Variants in LRRC4C observed in about 807,000 individuals in gnomAD.
The protein encoded by LRRC4C is leucine-rich repeat-containing protein 4C.
A neutral mutation model predicts 33.6 loss-of-function variants in LRRC4C; 5 were observed. The ratio of observed to expected loss-of-function variants is 0.15; its 90% confidence interval spans 0.08 to 0.31. The LOEUF is 0.31. Ranked by LOEUF, LRRC4C falls within the 10% of genes least tolerant of loss-of-function variation. LRRC4C has a pLI of 1.00. For missense variants in LRRC4C, 560 were observed against 796.7 expected, an observed-to-expected ratio of 0.70 and a Z score of 3.58; for synonymous variants, 329 against 302.0, an observed-to-expected ratio of 1.09 and a Z score of -0.93.
At chr11:40,675,272 A>G (rs1468320335) in intron 2 of LRRC4C, among the ~76,000 whole-genome samples, 1 of 152,186 alleles carries the variant, frequency 6.6e-6, no homozygotes, top group African/African-American at 2.4e-5. Context: ...AATGGCCTAA[A>G]TGGAGCTCAA....
intron 3 of LRRC4C, among the ~76,000 whole-genome samples, chr11:40,614,086 T>C (rs1304436288): frequency 6.6e-6 from 1 of 151,826 alleles, no homozygotes; most frequent in Non-Finnish European, 1.5e-5. Context: ...CCAGCTATGT[T>C]AGCCCTTAAC....
At chr11:40,874,639 T>C (rs1226169155) in intron 2 of LRRC4C, among the ~76,000 whole-genome samples, 2 of 152,138 alleles carry the variant, frequency 1.3e-5, no homozygotes, top group African/African-American at 4.8e-5. Flanking sequence ...GAAATGAAAA[T>C]CCTATGTTTG....
intron 3 of LRRC4C, among the ~76,000 whole-genome samples, chr11:40,493,645 A>T (rs148247567): frequency 1.4e-3 from 209 of 152,308 alleles, no homozygotes; most frequent in African/African-American, 4.7e-3. Flanking sequence ...TCTTAGCTTG[A>T]TAAACTATTA....
At chr11:40,880,268 G>C (rs964902012) in intron 2 of LRRC4C, among the ~76,000 whole-genome samples, 1 of 152,006 alleles carries the variant, frequency 6.6e-6, no homozygotes, top group East Asian at 1.9e-4. Context: ...CAGAAACTAG[G>C]ATTCAATTTC....
At chr11:41,101,999 A>G (rs1941216986) in intron 1 of LRRC4C, among the ~76,000 whole-genome samples, 1 of 152,074 alleles carries the variant, frequency 6.6e-6, no homozygotes, top group African/African-American at 2.4e-5. Flanking sequence ...AGAGTAGGAG[A>G]AGAAAGAAGA....
chr11:40,159,129 G>GC (rs1029800016), intron 5 of LRRC4C, among the ~76,000 whole-genome samples: 40 of 151,786 alleles, frequency 2.6e-4, no homozygotes, highest in Non-Finnish European at 8.8e-5. Context: ...TTTGGTCGTT[G>GC]TTTTTTTTGT....
intron 1 of LRRC4C, among the ~76,000 whole-genome samples, chr11:41,000,278 C>T (rs1386672640): frequency 6.6e-6 from 1 of 152,010 alleles, no homozygotes; most frequent in East Asian, 1.9e-4. Flanking sequence ...TGACAGTCAT[C>T]CCATGCGGAG....
At chr11:40,297,710 T>C (rs1026932550) in intron 4 of LRRC4C, among the ~76,000 whole-genome samples, 10 of 152,204 alleles carry the variant, frequency 6.6e-5, no homozygotes, top group African/African-American at 2.4e-4. Context: ...ATAACTAGCA[T>C]TTAATGAAAG....
intron 2 of LRRC4C, among the ~76,000 whole-genome samples, chr11:40,825,314 G>A (rs1952112852): frequency 6.6e-6 from 1 of 151,820 alleles, no homozygotes; most frequent in Admixed American, 6.6e-5. Flanking sequence ...GATTACTGAA[G>A]GTCCAGACGA....
At chr11:41,243,339 C>T (rs998608312) in intron 1 of LRRC4C, among the ~76,000 whole-genome samples, 1 of 152,142 alleles carries the variant, frequency 6.6e-6, no homozygotes, top group Non-Finnish European at 1.5e-5. Context: ...GGAATAGAAA[C>T]ACATATTTTG....
At chr11:41,177,324 C>A (rs1945249373) in intron 1 of LRRC4C, among the ~76,000 whole-genome samples, 1 of 152,040 alleles carries the variant, frequency 6.6e-6, no homozygotes, top group South Asian at 2.1e-4. Context: ...TAACCTAAGA[C>A]AAGATACAAA....
chr11:41,229,702 C>A (rs1372276864), intron 1 of LRRC4C, among the ~76,000 whole-genome samples: 1 of 152,054 alleles, frequency 6.6e-6, no homozygotes, highest in Non-Finnish European at 1.5e-5. Flanking sequence ...GCAGAATGAT[C>A]TCCTGTCTCA....
chr11:41,216,581 T>C (rs1029013957), intron 1 of LRRC4C, among the ~76,000 whole-genome samples: 1 of 152,004 alleles, frequency 6.6e-6, no homozygotes, highest in Non-Finnish European at 1.5e-5. Flanking sequence ...GCAGCAACAA[T>C]GGTAAAGACG....
intron 3 of LRRC4C, among the ~76,000 whole-genome samples, chr11:40,378,565 G>T (rs1270361348): frequency 1.3e-5 from 2 of 151,962 alleles, no homozygotes; most frequent in East Asian, 1.9e-4. Flanking sequence ...AATATTGAAA[G>T]AAATATTTCT....
intron 1 of LRRC4C, among the ~76,000 whole-genome samples, chr11:41,163,284 G>GTTTTTTTTGTTTTTTTTTTTTTTTT (rs1944557446): frequency 1.4e-5 from 1 of 73,382 alleles, no homozygotes; most frequent in Non-Finnish European, 2.4e-5. Flanking sequence ...TACTGTAACT[G>GTTTTTTTTGTTTTTTTTTTTTTTTT]TTTTTTTTTT....
chr11:40,138,616 C>T (rs1000605578), intron 6 of LRRC4C, among the ~76,000 whole-genome samples: 2 of 152,176 alleles, frequency 1.3e-5, no homozygotes, highest in African/African-American at 4.8e-5. Flanking sequence ...CTGCCAGCTC[C>T]GGATTCATTT....
chr11:40,616,884 C>T (rs997882409), intron 3 of LRRC4C, among the ~76,000 whole-genome samples: 9 of 145,348 alleles, frequency 6.2e-5, no homozygotes, highest in African/African-American at 2.3e-4. Flanking sequence ...ACATTGTGCA[C>T]ATGTACCATA....
intron 5 of LRRC4C, among the ~76,000 whole-genome samples, chr11:40,198,297 T>C (rs1385131895): frequency 6.6e-6 from 1 of 152,226 alleles, no homozygotes; most frequent in African/African-American, 2.4e-5. Context: ...TAGTGAAGTC[T>C]GATTCTAACT....
At chr11:41,334,634 A>G (rs1244701646) in intron 1 of LRRC4C, among the ~76,000 whole-genome samples, 1 of 152,010 alleles carries the variant, frequency 6.6e-6, no homozygotes, top group Non-Finnish European at 1.5e-5. Flanking sequence ...GAATTTGAAA[A>G]CAGTCCGGGT....
Sources: gnomAD v4.1 joint callset for allele counts (sites outside exome capture counted in the v4.1 genomes callset) on GRCh38, gnomAD v4.1.1 for gene constraint, MANE v1.5 for transcripts, NCBI Gene and HGNC (gene_info 2026-07-23, HGNC 2026-07-21) for gene names.